The following ARMH3 variants were observed in gnomAD, a reference collection of about 807,000 sequenced individuals.
The protein encoded by ARMH3 is armadillo like helical domain containing 3, also known as armadillo-like helical domain-containing protein 3.
Under a neutral mutation model 99.1 loss-of-function variants are expected in ARMH3, and 60 were observed. The observed-to-expected ratio is 0.61, with a 90% CI of 0.49 to 0.75. The LOEUF (loss-of-function observed/expected upper bound fraction) is 0.75, where lower values mean the gene tolerates loss of function less well. ARMH3 is among the 30% of genes least tolerant of loss of function. The pLI is 0.00. For missense variants in ARMH3, 679 were observed against 843.1 expected (o/e 0.81, Z 2.41); for synonymous variants, 285 against 292.8 (o/e 0.97, Z 0.27).
At chr10:101,941,284 A>T (rs1564774752) in intron 22 of ARMH3, among the ~76,000 whole-genome samples, 1 of 152,212 alleles carries the variant, frequency 6.6e-6, no homozygotes, top group African/African-American at 2.4e-5. Flanking sequence ...GTTATATATA[A>T]AGCTCTTAGA....
In ARMH3 at chr10:101,977,219, C is replaced by G. The variant is rs929631534; in HGVS notation, c.1407-1919G>C. On this transcript the variant is annotated intron_variant, in intron 19 of 25. Coordinates refer to ENST00000370033, the MANE Select transcript of ARMH3 (RefSeq NM_024541.3). Reference sequence around the variant, plus strand: ...GGAATATTCAGGGTTATTCACATCTCAATGACATATATGTTTCTGAGAGTA... The same window carrying G: ...GGAATATTCAGGGTTATTCACATCTGAATGACATATATGTTTCTGAGAGTA... 5.9e-5 allele frequency among the ~76,000 whole-genome samples: 9 copies of G among 152,242 alleles called. No homozygotes were observed. The East Asian group carries it at 9.6e-4, about 16-fold the overall frequency.
At chr10:101,986,413 T>C (rs921247400) in intron 19 of ARMH3, among the ~76,000 whole-genome samples, 2 of 152,078 alleles carry the variant, frequency 1.3e-5, no homozygotes, top group African/African-American at 4.8e-5. Flanking sequence ...TGGTTCGGTT[T>C]TGCTACCTCT....
chr10:101,859,269 C>T (rs1442803577), intron 24 of ARMH3, among the ~76,000 whole-genome samples: 1 of 152,190 alleles, frequency 6.6e-6, no homozygotes. Flanking sequence ...TGTTTACCAC[C>T]TCTTCCTCTT....
intron 24 of ARMH3, among the ~76,000 whole-genome samples, chr10:101,878,237 G>A (rs2067317327): frequency 2.0e-5 from 3 of 152,146 alleles, no homozygotes; most frequent in Non-Finnish European, 2.9e-5. Flanking sequence ...TGGCCTGGGC[G>A]ACAGAGAGAG....
intron 19 of ARMH3, among the ~76,000 whole-genome samples, chr10:101,987,370 T>G (rs187396078): frequency 7.9e-5 from 12 of 152,348 alleles, no homozygotes; most frequent in Admixed American, 3.3e-4. Flanking sequence ...TCAGGTCAAA[T>G]GCAACCTTCC....
Position 102,038,738 on chromosome 10 carries a change from CT to C in ARMH3, c.102+1274del, listed in dbSNP as rs796331900. ...ACATAATAGAAACCCAATATATGGT[CT>C]TTTTTTTTTTTCTTTTTTTTGAGAT... is the stretch of plus-strand genomic sequence containing the variant. On this transcript the variant is annotated intron_variant, in intron 2 of 25. Coordinates refer to ENST00000370033, the MANE Select transcript of ARMH3 (RefSeq NM_024541.3). Among the ~76,000 whole-genome samples the C allele has an allele frequency of 3.6e-3, 516 of 145,168 alleles. 2 individuals carry two copies. The highest frequency in any genetic ancestry group is 1.0e-2 in the Admixed American group (144 of 14,472).
chr10:102,031,392 A>T (rs1221973946), intron 4 of ARMH3, among the ~76,000 whole-genome samples: 1 of 152,218 alleles, frequency 6.6e-6, no homozygotes, highest in African/African-American at 2.4e-5. Context: ...ACAATATTTT[A>T]TGGGTCACTA....
Position 102,029,646 on chromosome 10 carries a change from A to G in ARMH3, c.406T>C (p.Cys136Arg). The G allele has an allele frequency of 6.2e-7, 1 of 1,614,238 alleles. No individual in the cohort carries two copies. The highest frequency in any genetic ancestry group is 8.5e-7 in the Non-Finnish European group (1 of 1,180,036). ...MLMGFDKAEL[C>R]MKNLMESLDS... ...TGCAGCTTATGCCTCACCTTCATGCACAGCTCCGCCTTGTCAAAGCCCATC... is the reference window on the plus strand; with the variant it reads ...TGCAGCTTATGCCTCACCTTCATGCGCAGCTCCGCCTTGTCAAAGCCCATC... The change falls in exon 5 of 26, where the codon TGC becomes CGC. Residue 136 changes from cysteine (C) to arginine (R), a missense_variant. This residue lies in a region of ARMH3 where 280 missense variants were observed against 354.6 expected (regional missense o/e 0.79). Transcript: ENST00000370033.
chr10:101,983,784 A>G (rs1449216530), intron 19 of ARMH3, among the ~76,000 whole-genome samples: 1 of 152,130 alleles, frequency 6.6e-6, no homozygotes, highest in Non-Finnish European at 1.5e-5. Context: ...GACTGTTTAT[A>G]TGTTTCTTTA....
chr10:101,953,610 T>C (rs1844898177), intron 22 of ARMH3, among the ~76,000 whole-genome samples: 1 of 149,624 alleles, frequency 6.7e-6, no homozygotes, highest in Non-Finnish European at 1.5e-5. Context: ...GATATATAGA[T>C]GGCAAATAAG....
At chr10:101,956,962 T>A (rs961589702) in intron 21 of ARMH3, among the ~76,000 whole-genome samples, 10 of 152,216 alleles carry the variant, frequency 6.6e-5, no homozygotes, top group African/African-American at 1.9e-4. Context: ...ACTTCCTAAT[T>A]ATTTTCTACC....
At position 102,011,716 on chromosome 10, in the gene ARMH3, G is replaced by A. The variant is rs1034581364; in HGVS notation, c.831+7C>T. The A allele has an allele frequency of 1.2e-6, 2 of 1,601,024 alleles. No homozygotes were observed. Among genetic ancestry groups the A allele is most frequent in the South Asian group, 1.1e-5 (1 of 87,992 alleles). ...TTTTCAGGAGAAAAAAAAAAAGCAG[G>A]ACTTACCATATTTGTTAAAGCAGAG... On this transcript the variant is annotated splice_region_variant and intron_variant, in intron 11 of 25. Transcript: ENST00000370033.
intron 2 of ARMH3, among the ~76,000 whole-genome samples, chr10:102,033,627 C>A (rs2067185827): frequency 6.6e-6 from 1 of 152,124 alleles, no homozygotes; most frequent in South Asian, 2.1e-4. Flanking sequence ...ACCATGTTAG[C>A]CAGGATGGTC....
At chr10:101,987,197 T>A (rs1471786967) in intron 19 of ARMH3, among the ~76,000 whole-genome samples, 1 of 151,938 alleles carries the variant, frequency 6.6e-6, no homozygotes, top group Non-Finnish European at 1.5e-5. Flanking sequence ...TACTCTCTTA[T>A]CCTCCCTCCA....
intron 23 of ARMH3, among the ~76,000 whole-genome samples, chr10:101,930,506 G>A (rs1012440990): frequency 1.3e-5 from 2 of 151,994 alleles, no homozygotes; most frequent in Non-Finnish European, 2.9e-5. Flanking sequence ...AGCCTCTCAG[G>A]TATACGTGTA....
Sources: allele counts gnomAD v4.1 joint callset (sites outside exome capture counted in the v4.1 genomes callset), GRCh38; gene constraint gnomAD v4.1.1; regional missense constraint gnomAD v4.1.1; transcripts MANE v1.5; gene names NCBI Gene and HGNC (gene_info 2026-07-23, HGNC 2026-07-21).